The following SHANK2 variants were observed in gnomAD, a reference collection of about 807,000 sequenced individuals.
The protein encoded by SHANK2 is SH3 and multiple ankyrin repeat domains 2.
A neutral mutation model predicts 133.7 loss-of-function variants in SHANK2; 43 were observed. That is an observed-to-expected ratio of 0.32 (90% CI 0.25 to 0.41). The LOEUF (loss-of-function observed/expected upper bound fraction) is 0.41, where lower values mean the gene tolerates loss of function less well. Among genes scored for constraint, SHANK2 ranks in the 10% least tolerant of loss-of-function variants. The probability of loss-of-function intolerance (pLI) is 1.00; values close to 1 mark genes in which losing one functional copy is unlikely to be tolerated. For missense variants in SHANK2, 1,994 were observed against 2,235.8 expected (o/e 0.89, Z 2.18); for synonymous variants, 1,017 against 952.8 (o/e 1.07, Z -1.24).
chr11:70,908,473 C>T (rs1950141887), intron 10 of SHANK2, among the ~76,000 whole-genome samples: 2 of 152,226 alleles, frequency 1.3e-5, no homozygotes, highest in South Asian at 4.1e-4. Context: ...AGTGGCTGCA[C>T]TTTTCTTCCT....
chr11:70,532,305 C>A (rs2059483926), intron 17 of SHANK2, among the ~76,000 whole-genome samples: 1 of 152,106 alleles, frequency 6.6e-6, no homozygotes, highest in South Asian at 2.1e-4. Flanking sequence ...TTGTTCACTC[C>A]ACAAGGGGGT....
intron 17 of SHANK2, among the ~76,000 whole-genome samples, chr11:70,539,687 G>A (rs911483028): frequency 1.2e-4 from 18 of 152,314 alleles, no homozygotes; most frequent in African/African-American, 3.4e-4. Flanking sequence ...TAATCTGGGC[G>A]CTGACCCATG....
chr11:71,239,139 G>C (rs1338327222), intron 1 of SHANK2, among the ~76,000 whole-genome samples: 3 of 152,250 alleles, frequency 2.0e-5, no homozygotes, highest in Non-Finnish European at 2.9e-5. Context: ...GGACTCACTG[G>C]AGTGAAGGAG....
At chr11:70,512,867 TTTTGAGACATTGACTA>T (rs1266869664) in intron 17 of SHANK2, among the ~76,000 whole-genome samples, 1 of 152,238 alleles carries the variant, frequency 6.6e-6, no homozygotes, top group Non-Finnish European at 1.5e-5. Context: ...GACATAATTT[TTTTGAGACATTGACTA>T]TTTGAAAATG....
chr11:71,249,917 G>C (rs1948150249), intron 1 of SHANK2, among the ~76,000 whole-genome samples: 1 of 152,106 alleles, frequency 6.6e-6, no homozygotes, highest in African/African-American at 2.4e-5. Context: ...ACTCACATCT[G>C]ATATCACCTG....
At chr11:70,743,327 G>T (rs1946571644) in intron 14 of SHANK2, among the ~76,000 whole-genome samples, 1 of 152,176 alleles carries the variant, frequency 6.6e-6, no homozygotes, top group African/African-American at 2.4e-5. Flanking sequence ...AGGTGATTAG[G>T]GTTGGAGGAG....
Position 70,591,379 on chromosome 11 carries a change from GA to G in SHANK2, c.2061+68448del, listed in dbSNP as rs1240958344. 3.8e-5 allele frequency among the ~76,000 whole-genome samples: 5 copies of G among 130,048 alleles called. No individual in the cohort carries two copies. The East Asian group carries it at 6.2e-4, about 16-fold the overall frequency. The allele number at this position is 130,048 out of a possible 152,430, so 85.3% of individuals were successfully genotyped here. On this transcript the variant is annotated intron_variant, in intron 17 of 25. Transcript: ENST00000601538. ...ACAAAAAGAAAAAGAAAAAGAAAAA[GA>G]AAAAAAAGAAAAAAGAAGGTAGAAA...
chr11:70,855,554 G>A (rs115612995), intron 11 of SHANK2, among the ~76,000 whole-genome samples: 323 of 152,326 alleles, frequency 2.1e-3, no homozygotes, highest in African/African-American at 7.6e-3. Flanking sequence ...ATCTTCAACA[G>A]CTCCCATGGT....
At chr11:70,661,874 G>C (rs1173468012) in intron 15 of SHANK2, 196 bp from the exon 16 acceptor site, 3 of 1,488,154 alleles carry the variant, frequency 2.0e-6, no homozygotes, top group Non-Finnish European at 2.8e-6. Context: ...CGGGATAGGC[G>C]AGCGTGGCAC....
At chr11:70,899,544 C>T (rs1555076375) in intron 10 of SHANK2, among the ~76,000 whole-genome samples, 1 of 152,142 alleles carries the variant, frequency 6.6e-6, no homozygotes, top group Non-Finnish European at 1.5e-5. Context: ...GAAAAGGTGG[C>T]TTTAGAGATA....
intron 2 of SHANK2, among the ~76,000 whole-genome samples, chr11:71,201,535 C>G (rs1460373924): frequency 1.3e-5 from 2 of 152,270 alleles, no homozygotes; most frequent in Admixed American, 6.5e-5. Flanking sequence ...GTCACCTGCA[C>G]AGCAGGGGCT....
intron 17 of SHANK2, among the ~76,000 whole-genome samples, chr11:70,541,479 C>T (rs1328884176): frequency 3.3e-5 from 5 of 152,222 alleles, no homozygotes; most frequent in Admixed American, 1.3e-4. Flanking sequence ...CTGGCAGGCA[C>T]GAGCCAGCTA....
At chr11:71,085,805 ATATATTATGT>A (rs1951390292) in intron 8 of SHANK2, among the ~76,000 whole-genome samples, 94 of 61,122 alleles carry the variant, frequency 1.5e-3, no homozygotes, top group African/African-American at 6.4e-3. Context: ...ATACAACATA[ATATATTATGT>A]TATATTATAT....
At chr11:70,608,160 G>C (rs1339523252) in intron 17 of SHANK2, among the ~76,000 whole-genome samples, 4 of 152,116 alleles carry the variant, frequency 2.6e-5, no homozygotes, top group African/African-American at 9.7e-5. Context: ...CTTTTTCTTT[G>C]TTTTCTTTTA....
chr11:70,793,750 G>A (rs782131570), intron 14 of SHANK2, among the ~76,000 whole-genome samples: 3 of 152,184 alleles, frequency 2.0e-5, no homozygotes, highest in Non-Finnish European at 4.4e-5. Flanking sequence ...AAATGGGACA[G>A]CACTTTGGAG....
intron 17 of SHANK2, among the ~76,000 whole-genome samples, chr11:70,514,560 T>G (rs2135896208): frequency 6.6e-6 from 1 of 152,268 alleles, no homozygotes; most frequent in East Asian, 1.9e-4. Flanking sequence ...GTAACACACA[T>G]GACAATTATA....
intron 17 of SHANK2, among the ~76,000 whole-genome samples, chr11:70,599,103 G>T (rs2136308054): frequency 6.6e-6 from 1 of 151,906 alleles, no homozygotes; most frequent in African/African-American, 2.4e-5. Context: ...GTCGATAAAA[G>T]ATGAGAATTA....
At chr11:70,529,102 G>A (rs1186968352) in intron 17 of SHANK2, among the ~76,000 whole-genome samples, 14 of 152,266 alleles carry the variant, frequency 9.2e-5, no homozygotes. Context: ...TTTGGGACCA[G>A]GGAGTAAGAA....
At chr11:70,900,498 A>G (rs1555076544) in intron 10 of SHANK2, among the ~76,000 whole-genome samples, 1 of 152,120 alleles carries the variant, frequency 6.6e-6, no homozygotes, top group African/African-American at 2.4e-5. Flanking sequence ...GTGCACACCC[A>G]CATCTGCACT....
Sources: allele counts gnomAD v4.1 joint callset (sites outside exome capture counted in the v4.1 genomes callset), GRCh38; gene constraint gnomAD v4.1.1; transcripts MANE v1.5; gene names NCBI Gene and HGNC (gene_info 2026-07-23, HGNC 2026-07-21).